Variants in TRPM3 observed in about 807,000 individuals in gnomAD.
TRPM3 encodes the protein long transient receptor potential channel 3.
In TRPM3, 77 loss-of-function variants were observed where a neutral mutation model predicts 181.2. The observed-to-expected ratio is 0.42, with a 90% CI of 0.35 to 0.51. The LOEUF is 0.51. Ranked by LOEUF, TRPM3 falls within the 20% of genes least tolerant of loss-of-function variation. TRPM3 has a pLI of 0.01. For synonymous variants in TRPM3, 745 were observed against 796.4 expected (o/e 0.94, Z 1.09); for missense variants, 1,759 against 2,196.7 (o/e 0.80, Z 3.98).
intron 1 of TRPM3, among the ~76,000 whole-genome samples, chr9:71,092,817 C>A (rs2066442136): frequency 2.0e-5 from 3 of 151,974 alleles, no homozygotes; most frequent in Non-Finnish European, 2.9e-5. Context: ...TATTTGGTTG[C>A]CTCCCATCAT....
chr9:71,387,412 A>G (rs1029172887), intron 1 of TRPM3, among the ~76,000 whole-genome samples: 2 of 152,168 alleles, frequency 1.3e-5, no homozygotes, highest in Non-Finnish European at 2.9e-5. Context: ...CAGATGTTCA[A>G]AAGTGACAGA....
chr9:71,436,330 T>A (rs1264091988), intron 1 of TRPM3, among the ~76,000 whole-genome samples: 1 of 130,034 alleles, frequency 7.7e-6, no homozygotes, highest in Non-Finnish European at 1.6e-5. Flanking sequence ...TGAGATGGCA[T>A]CTTGCTTTGT....
At chr9:71,265,609 A>G (rs553172284) in intron 1 of TRPM3, among the ~76,000 whole-genome samples, 33 of 152,188 alleles carry the variant, frequency 2.2e-4, no homozygotes, top group Non-Finnish European at 4.0e-4. Flanking sequence ...GTTTTCAAAC[A>G]TCTGTTCTCA....
chr9:71,417,252 C>A (rs534567725), intron 1 of TRPM3, among the ~76,000 whole-genome samples: 3 of 152,028 alleles, frequency 2.0e-5, no homozygotes, highest in South Asian at 2.1e-4. Context: ...TGTTTATATT[C>A]TCATTAATAA....
intron 1 of TRPM3, among the ~76,000 whole-genome samples, chr9:71,290,427 G>A (rs140937299): frequency 2.0e-4 from 31 of 152,168 alleles, no homozygotes; most frequent in African/African-American, 5.8e-4. Context: ...GGAATAATAC[G>A]TTTTAAATAC....
intron 8 of TRPM3, among the ~76,000 whole-genome samples, chr9:70,682,596 C>A (rs2065756656): frequency 6.6e-6 from 1 of 152,084 alleles, no homozygotes; most frequent in Non-Finnish European, 1.5e-5. Flanking sequence ...AATGGAGTAT[C>A]ATTTTGTACA....
At chr9:70,771,608 G>C (rs2080282336) in intron 7 of TRPM3, among the ~76,000 whole-genome samples, 1 of 152,110 alleles carries the variant, frequency 6.6e-6, no homozygotes. Context: ...GGTAAGAAAG[G>C]TATTTAGTCC....
At chr9:71,067,669 A>G (rs1173520373) in intron 1 of TRPM3, among the ~76,000 whole-genome samples, 1 of 152,236 alleles carries the variant, frequency 6.6e-6, no homozygotes, top group Non-Finnish European at 1.5e-5. Context: ...AGTACTTAGG[A>G]CAGTGGTTAG....
Position 70,615,992 on chromosome 9 carries a change from G to C in TRPM3, c.2442C>G (p.Ala814=), listed in dbSNP as rs1364057322. 4 of 1,612,682 alleles carry C rather than the reference G, an allele frequency of 2.5e-6. No homozygotes were observed. The highest frequency in any genetic ancestry group is 1.3e-5 in the African/African-American group (1 of 74,918). The part of the protein sequence containing the change: ...NKDDMPYMSQ[A]QEIHLQEKEA... ...CCTTCTCTTGGAGGTGGATTTCCTG[G>C]GCCTGAGACATATAGGGCATGTCGT... Residue 814 remains alanine (A), a synonymous_variant, in exon 18 of 26, where the codon GCC becomes GCG. Transcript: ENST00000677713.
intron 1 of TRPM3, among the ~76,000 whole-genome samples, chr9:71,086,419 T>C (rs1315411606): frequency 6.6e-6 from 1 of 151,970 alleles, no homozygotes; most frequent in Non-Finnish European, 1.5e-5. Context: ...AAAAATGAGG[T>C]ATAAGTCTAG....
chr9:71,194,513 G>A (rs1304736362), intron 1 of TRPM3, among the ~76,000 whole-genome samples: 2 of 151,848 alleles, frequency 1.3e-5, no homozygotes, highest in African/African-American at 4.8e-5. Flanking sequence ...TCCCCAAAGT[G>A]AGCTTGGGCA....
At chr9:71,211,025 C>T (rs889237186) in intron 1 of TRPM3, among the ~76,000 whole-genome samples, 2 of 152,164 alleles carry the variant, frequency 1.3e-5, no homozygotes, top group Admixed American at 6.5e-5. Flanking sequence ...GCCCTATTTC[C>T]AAATACAGTC....
At chr9:70,629,711 G>A (rs542425960) in intron 12 of TRPM3, among the ~76,000 whole-genome samples, 6 of 152,282 alleles carry the variant, frequency 3.9e-5, no homozygotes, top group South Asian at 4.1e-4. Flanking sequence ...AGGATTAGGC[G>A]CTAAGGAATG....
At chr9:71,366,963 TAA>T (rs571839050) in intron 1 of TRPM3, among the ~76,000 whole-genome samples, 169 of 152,282 alleles carry the variant, frequency 1.1e-3, no homozygotes, top group South Asian at 3.5e-3. Flanking sequence ...TTGCTGTTTT[TAA>T]AAGTGTCAGG....
At chr9:70,630,556 T>C (rs2133382719) in intron 12 of TRPM3, among the ~76,000 whole-genome samples, 1 of 152,368 alleles carries the variant, frequency 6.6e-6, no homozygotes. Context: ...AAACACCTTC[T>C]GGAGGAGACT....
At chr9:71,353,231 C>T (rs1474979210) in intron 1 of TRPM3, among the ~76,000 whole-genome samples, 1 of 152,104 alleles carries the variant, frequency 6.6e-6, no homozygotes, top group African/African-American at 2.4e-5. Flanking sequence ...GCATTTCTCA[C>T]GCTGTATTTT....
At chr9:71,244,692 A>T (rs1279753074) in intron 1 of TRPM3, among the ~76,000 whole-genome samples, 1 of 152,170 alleles carries the variant, frequency 6.6e-6, no homozygotes, top group Non-Finnish European at 1.5e-5. Flanking sequence ...GATAACAGGC[A>T]ATTTCTTTCC....
chr9:71,169,804 T>C (rs2076749876), intron 1 of TRPM3, among the ~76,000 whole-genome samples: 1 of 151,348 alleles, frequency 6.6e-6, no homozygotes. Flanking sequence ...AGTATAAAAA[T>C]ATAAATTTTT....
chr9:70,544,211 A>C (rs4744602), intron 25 of TRPM3, among the ~76,000 whole-genome samples: 74,283 of 152,022 alleles, frequency 0.49, 18,699 homozygotes, highest in East Asian at 0.82. Flanking sequence ...CCTGATATTT[A>C]AAATTTCTAG....
Sources: allele counts gnomAD v4.1 joint callset (sites outside exome capture counted in the v4.1 genomes callset), GRCh38; gene constraint gnomAD v4.1.1; transcripts MANE v1.5; gene names NCBI Gene and HGNC (gene_info 2026-07-23, HGNC 2026-07-21).